The following PDE1A variants were observed in gnomAD, a reference collection of about 807,000 sequenced individuals.
The protein encoded by PDE1A is phosphodiesterase 1A.
A neutral mutation model predicts 61.7 loss-of-function variants in PDE1A; 35 were observed. The observed-to-expected ratio is 0.57, with a 90% CI of 0.43 to 0.75. PDE1A has a LOEUF of 0.75. Among genes scored for constraint, PDE1A ranks in the 30% least tolerant of loss-of-function variants. The pLI, the probability that PDE1A is intolerant of heterozygous loss-of-function variation, is 0.00. For missense variants in PDE1A, 597 were observed against 630.6 expected (o/e 0.95, Z 0.57); for synonymous variants, 232 against 213.2 (o/e 1.09, Z -0.77).
chr2:182,554,313 G>T, the PDE1A span, among the ~76,000 whole-genome samples: 3 of 151,970 alleles, frequency 2.0e-5, no homozygotes, highest in African/African-American at 4.8e-5. Flanking sequence ...CTCCAGTCAC[G>T]ATTCCCCTTC....
intron 2 of PDE1A, among the ~76,000 whole-genome samples, chr2:182,483,950 T>C (rs945431391): frequency 9.2e-5 from 14 of 151,376 alleles, no homozygotes; most frequent in African/African-American, 3.4e-4. Flanking sequence ...TCTTCAGAAA[T>C]TAAAAGAACT....
At chr2:182,593,256 C>T in the PDE1A span, among the ~76,000 whole-genome samples, 1 of 152,182 alleles carries the variant, frequency 6.6e-6, no homozygotes, top group Non-Finnish European at 1.5e-5. Flanking sequence ...TTTGACTTCC[C>T]TATCACCTGC....
the PDE1A span, among the ~76,000 whole-genome samples, chr2:182,714,838 C>A: frequency 2.0e-5 from 3 of 152,102 alleles, no homozygotes; most frequent in Non-Finnish European, 4.4e-5. Flanking sequence ...CGATTACAAG[C>A]GTGAGCCACC....
At chr2:182,441,641 T>G (rs1270656183) in intron 2 of PDE1A, among the ~76,000 whole-genome samples, 2 of 152,050 alleles carry the variant, frequency 1.3e-5, no homozygotes, top group Non-Finnish European at 2.9e-5. Flanking sequence ...GGTTCACTAC[T>G]GAAAGTGATC....
At chr2:182,655,031 AT>A in the PDE1A span, among the ~76,000 whole-genome samples, 237 of 152,180 alleles carry the variant, frequency 1.6e-3, no homozygotes, top group East Asian at 8.3e-3. Flanking sequence ...TATCATTCCT[AT>A]TTTGTCTAGG....
chr2:182,534,261 GT>G, the PDE1A span, among the ~76,000 whole-genome samples: 190 of 150,152 alleles, frequency 1.3e-3, no homozygotes, highest in Middle Eastern at 3.5e-3. Context: ...GCCAATCCCT[GT>G]TTTTTTTTCC....
chr2:182,304,560 T>C (rs1695456550), intron 1 of PDE1A, among the ~76,000 whole-genome samples: 1 of 152,204 alleles, frequency 6.6e-6, no homozygotes, highest in Non-Finnish European at 1.5e-5. Flanking sequence ...TTCTAGCTTA[T>C]GATTTAAAGT....
At chr2:182,403,373 G>A (rs1007076634) in intron 1 of PDE1A, among the ~76,000 whole-genome samples, 1 of 152,046 alleles carries the variant, frequency 6.6e-6, no homozygotes, top group African/African-American at 2.4e-5. Context: ...GCCGAGGCGG[G>A]TGGATCACAA....
At chr2:182,288,082 A>G (rs187111645) in intron 1 of PDE1A, among the ~76,000 whole-genome samples, 2 of 152,288 alleles carry the variant, frequency 1.3e-5, no homozygotes, top group South Asian at 2.1e-4. Flanking sequence ...AAAGACATTT[A>G]TTAACATTTG....
At chr2:182,536,649 T>G in the PDE1A span, among the ~76,000 whole-genome samples, 1 of 152,162 alleles carries the variant, frequency 6.6e-6, no homozygotes, top group African/African-American at 2.4e-5. Flanking sequence ...ATGGATAATA[T>G]ATTTATATAT....
At chr2:182,420,613 T>G (rs1366778072) in intron 1 of PDE1A, among the ~76,000 whole-genome samples, 3 of 152,196 alleles carry the variant, frequency 2.0e-5, no homozygotes, top group Non-Finnish European at 4.4e-5. Flanking sequence ...AATTAATATT[T>G]AAATATCTGT....
rs555043405 is a variant in PDE1A, at chr2:182,221,189, G to A, written c.776+2675C>T. The stretch of plus-strand genomic sequence containing the variant: ...CAGGACTCTTCATCCACTTGCAGAT[G>A]AATAGTAAAGGGAGAAAGCTAGAGT... On this transcript the variant is annotated intron_variant, in intron 7 of 13. Coordinates refer to ENST00000351439, the Ensembl canonical transcript of PDE1A. 3.6e-3 allele frequency among the ~76,000 whole-genome samples: 544 copies of A among 151,912 alleles called. 2 individuals carry two copies. The highest frequency in any genetic ancestry group is 0.013 in the African/African-American group (526 of 41,448).
chr2:182,532,307 T>C, the PDE1A span, among the ~76,000 whole-genome samples: 2 of 152,214 alleles, frequency 1.3e-5, no homozygotes, highest in African/African-American at 4.8e-5. Flanking sequence ...TACCCTGATG[T>C]AGAGTACACA....
chr2:182,436,544 T>C (rs1684427404), intron 2 of PDE1A, among the ~76,000 whole-genome samples: 1 of 151,952 alleles, frequency 6.6e-6, no homozygotes, highest in Non-Finnish European at 1.5e-5. Flanking sequence ...TTTTTCAACA[T>C]TATGAACCCT....
the PDE1A span, among the ~76,000 whole-genome samples, chr2:182,707,950 T>C: frequency 6.6e-6 from 1 of 152,154 alleles, no homozygotes; most frequent in Non-Finnish European, 1.5e-5. Flanking sequence ...TATGGCACTG[T>C]AGAGTGACTA....
chr2:182,596,405 T>C, the PDE1A span, among the ~76,000 whole-genome samples: 2 of 152,182 alleles, frequency 1.3e-5, no homozygotes, highest in Non-Finnish European at 2.9e-5. Context: ...CCAGGGAGGC[T>C]GAAGACTTAG....
chr2:182,178,312 T>C (rs185829027), intron 13 of PDE1A, among the ~76,000 whole-genome samples: 291 of 152,290 alleles, frequency 1.9e-3, no homozygotes, highest in African/African-American at 6.6e-3. Context: ...GACATGGATC[T>C]AGGTTTTCCC....
intron 2 of PDE1A, among the ~76,000 whole-genome samples, chr2:182,491,231 C>A (rs190163250): frequency 6.6e-6 from 1 of 152,064 alleles, no homozygotes. Context: ...TTTCTCCAAC[C>A]GCAATCAGCT....
chr2:182,417,852 T>C (rs1001555687), intron 1 of PDE1A, among the ~76,000 whole-genome samples: 2 of 152,176 alleles, frequency 1.3e-5, no homozygotes, highest in Non-Finnish European at 2.9e-5. Context: ...TTTGTTGTGT[T>C]TTGTTTTTGT....
Sources: allele counts gnomAD v4.1 joint callset (sites outside exome capture counted in the v4.1 genomes callset), GRCh38; gene constraint gnomAD v4.1.1; transcripts MANE v1.5; gene names NCBI Gene and HGNC (gene_info 2026-07-23, HGNC 2026-07-21).